The following LDB2 variants were observed in gnomAD, a reference collection of about 807,000 sequenced individuals.
The protein encoded by LDB2 is LIM domain-binding protein 2.
A neutral mutation model predicts 44.3 loss-of-function variants in LDB2; 12 were observed. The ratio of observed to expected loss-of-function variants is 0.27; its 90% confidence interval spans 0.17 to 0.44. The LOEUF is 0.44. Ranked by LOEUF, LDB2 falls within the 20% of genes least tolerant of loss-of-function variation. LDB2 has a pLI of 1.00. For missense variants in LDB2, 344 were observed against 473.5 expected (o/e 0.73, Z 2.54); for synonymous variants, 164 against 174.8 (o/e 0.94, Z 0.49).
chr4:16,595,446 C>G (rs900018244), intron 3 of LDB2, among the ~76,000 whole-genome samples: 1 of 152,096 alleles, frequency 6.6e-6, no homozygotes, highest in African/African-American at 2.4e-5. Flanking sequence ...TTAAAAGGCA[C>G]TAGAACCTCT....
intron 1 of LDB2, among the ~76,000 whole-genome samples, chr4:16,774,355 A>C (rs530100458): frequency 5.9e-4 from 90 of 152,168 alleles, no homozygotes; most frequent in African/African-American, 2.0e-3. Context: ...TTTTTTAAAA[A>C]ATTAATGGGA....
chr4:16,789,595 A>G (rs2109576681), intron 1 of LDB2, among the ~76,000 whole-genome samples: 1 of 152,342 alleles, frequency 6.6e-6, no homozygotes, highest in African/African-American at 2.4e-5. Flanking sequence ...ACTGCTTACT[A>G]TGTTCCAGAC....
At chr4:16,828,686 T>C (rs1194671783) in intron 1 of LDB2, among the ~76,000 whole-genome samples, 2 of 151,240 alleles carry the variant, frequency 1.3e-5, no homozygotes, top group Non-Finnish European at 2.9e-5. Flanking sequence ...ACTTCCATTT[T>C]AGAATTACAG....
chr4:16,846,198 T>C (rs1786966489), intron 1 of LDB2, among the ~76,000 whole-genome samples: 1 of 152,178 alleles, frequency 6.6e-6, no homozygotes, highest in Non-Finnish European at 1.5e-5. Context: ...ACTTTTTCTA[T>C]GCAATGCACT....
At chr4:16,755,672 GC>G (rs1258367810) in intron 2 of LDB2, among the ~76,000 whole-genome samples, 2 of 151,996 alleles carry the variant, frequency 1.3e-5, no homozygotes, top group Non-Finnish European at 2.9e-5. Flanking sequence ...ACCGTTTTTA[GC>G]CCTAATGTTC....
intron 5 of LDB2, among the ~76,000 whole-genome samples, chr4:16,536,040 C>CCAA (rs1731722695): frequency 6.6e-6 from 1 of 152,144 alleles, no homozygotes; most frequent in African/African-American, 2.4e-5. Context: ...AAACCCAATC[C>CCAA]CAACTATGCT....
At chr4:16,839,079 C>T (rs139852095) in intron 1 of LDB2, among the ~76,000 whole-genome samples, 3 of 152,256 alleles carry the variant, frequency 2.0e-5, no homozygotes, top group African/African-American at 4.8e-5. Context: ...GGGAATGAAA[C>T]TATTTTTTAT....
At chr4:16,793,404 T>C (rs34087336) in intron 1 of LDB2, among the ~76,000 whole-genome samples, 3,423 of 152,236 alleles carry the variant, frequency 0.022, 56 homozygotes, top group Non-Finnish European at 0.035. Flanking sequence ...TTGTGCTTAA[T>C]TATACTTAAA....
intron 5 of LDB2, among the ~76,000 whole-genome samples, chr4:16,543,020 G>A (rs891944187): frequency 2.7e-5 from 4 of 147,948 alleles, no homozygotes; most frequent in African/African-American, 7.5e-5. Context: ...GAGAACATGC[G>A]GTATTTGGTT....
chr4:16,769,978 C>A (rs999950896), intron 1 of LDB2, among the ~76,000 whole-genome samples: 1 of 152,126 alleles, frequency 6.6e-6, no homozygotes, highest in African/African-American at 2.4e-5. Context: ...CCCCAAAGAC[C>A]TGAGAAATTC....
intron 1 of LDB2, 65 bp from the exon 2 acceptor site, chr4:16,759,325 A>G (rs527403633): frequency 8.2e-7 from 1 of 1,218,318 alleles, no homozygotes; most frequent in South Asian, 1.2e-5. Context: ...AGGAAGAGAA[A>G]AGGGAAGAGA....
rs566681577 is a variant in LDB2, at chr4:16,667,323, G to A, written c.236-71448C>T. Among the ~76,000 whole-genome samples, 73 of 152,330 alleles carry A rather than the reference G, an allele frequency of 4.8e-4. No individual in the cohort carries two copies. The South Asian group carries it at 0.013, about 27-fold the overall frequency. ...AGTGAGCGTGTGCAGAGTCCTTGCC[G>A]TGCACGGAGCCCTGGGTGACATTGT... On this transcript the variant is annotated intron_variant, in intron 2 of 7. Coordinates refer to ENST00000304523, the MANE Select transcript of LDB2 (RefSeq NM_001290.5).
At chr4:16,707,023 A>G (rs1462165974) in intron 2 of LDB2, among the ~76,000 whole-genome samples, 1 of 152,192 alleles carries the variant, frequency 6.6e-6, no homozygotes, top group Non-Finnish European at 1.5e-5. Context: ...GGTGAGGCAA[A>G]GTCTGCAAAA....
intron 1 of LDB2, among the ~76,000 whole-genome samples, chr4:16,811,695 C>T (rs1779899039): frequency 6.6e-6 from 1 of 152,180 alleles, no homozygotes; most frequent in African/African-American, 2.4e-5. Context: ...AATACAGACA[C>T]ACGTGTCAAC....
Position 16,791,556 on chromosome 4 carries a change from GA to G in LDB2, c.133-32297del, listed in dbSNP as rs67578284. Reference sequence around the variant, plus strand: ...GGCAACAGAGCGAGACTCTGGCTCAGAAAAAAAAAAAAAAAAGAAAGACAGC... The same window carrying G: ...GGCAACAGAGCGAGACTCTGGCTCAGAAAAAAAAAAAAAAAGAAAGACAGC... On this transcript the variant is annotated intron_variant, in intron 1 of 7. Coordinates refer to ENST00000304523, the MANE Select transcript of LDB2 (RefSeq NM_001290.5). Among the ~76,000 whole-genome samples, 15 of 59,018 alleles carry G rather than the reference GA, an allele frequency of 2.5e-4. 1 individual carries two copies. Among genetic ancestry groups the G allele is most frequent in the South Asian group, 9.2e-4 (1 of 1,082 alleles). 38.7% of individuals were successfully genotyped at this position (59,018 alleles called of 152,430 possible). A position where few individuals can be genotyped will look rare whatever the true frequency, so the allele number is the denominator to read the frequency against.
intron 5 of LDB2, among the ~76,000 whole-genome samples, chr4:16,556,581 A>G (rs1343582547): frequency 6.6e-6 from 1 of 152,218 alleles, no homozygotes; most frequent in Admixed American, 6.5e-5. Flanking sequence ...GTTTATTCAC[A>G]TAGTCATTGC....
At chr4:16,593,991 T>C (rs188592570) in intron 3 of LDB2, among the ~76,000 whole-genome samples, 61 of 152,242 alleles carry the variant, frequency 4.0e-4, no homozygotes, top group Non-Finnish European at 5.7e-4. Context: ...AGTAAATATA[T>C]AAAAGGACTA....
intron 2 of LDB2, among the ~76,000 whole-genome samples, chr4:16,634,412 T>C (rs924251227): frequency 1.1e-4 from 16 of 150,972 alleles, no homozygotes; most frequent in African/African-American, 2.4e-5. Context: ...AGGGCTAATA[T>C]CCAGAGTCTA....
chr4:16,557,357 C>G (rs933594048), intron 5 of LDB2, among the ~76,000 whole-genome samples: 1 of 152,212 alleles, frequency 6.6e-6, no homozygotes, highest in African/African-American at 2.4e-5. Flanking sequence ...CACTCCCACC[C>G]TAATACTGCA....
Sources: gnomAD v4.1 joint callset for allele counts (sites outside exome capture counted in the v4.1 genomes callset) on GRCh38, gnomAD v4.1.1 for gene constraint, MANE v1.5 for transcripts, NCBI Gene and HGNC (gene_info 2026-07-23, HGNC 2026-07-21) for gene names.